Variants in KIAA0825 observed in about 807,000 individuals in gnomAD.
KIAA0825 encodes the protein KIAA0825.
KIAA0825 carries 119 observed loss-of-function variants against 147.6 expected under a neutral mutation model. The ratio of observed to expected loss-of-function variants is 0.81; its 90% CI spans 0.69 to 0.94. The LOEUF (loss-of-function observed/expected upper bound fraction) is 0.94, where lower values mean the gene tolerates loss of function less well. KIAA0825 is among the 40% of genes least tolerant of loss of function. The probability of loss-of-function intolerance (pLI) is 0.00; values close to 1 mark genes in which losing one functional copy is unlikely to be tolerated. For missense variants in KIAA0825, 1,381 were observed against 1,472.7 expected (o/e 0.94, Z 1.02); for synonymous variants, 470 against 518.1 (o/e 0.91, Z 1.26).
intron 20 of KIAA0825, among the ~76,000 whole-genome samples, chr5:94,229,074 C>T (rs977903478): frequency 9.2e-5 from 14 of 152,192 alleles, no homozygotes; most frequent in African/African-American, 3.4e-4. Flanking sequence ...AGACCTACAG[C>T]ACAGTCATCA....
intron 2 of KIAA0825, among the ~76,000 whole-genome samples, chr5:94,540,126 T>G (rs1772994840): frequency 6.6e-6 from 1 of 152,182 alleles, no homozygotes; most frequent in South Asian, 2.1e-4. Context: ...AATGCTTTCC[T>G]TTTTCTCTCT....
At chr5:94,418,237 T>C (rs1204245645) in intron 14 of KIAA0825, among the ~76,000 whole-genome samples, 1 of 152,162 alleles carries the variant, frequency 6.6e-6, no homozygotes, top group African/African-American at 2.4e-5. Flanking sequence ...TGGAATATCA[T>C]TACTTTTATG....
intron 16 of KIAA0825, among the ~76,000 whole-genome samples, chr5:94,400,126 A>C (rs904533669): frequency 1.3e-5 from 2 of 152,138 alleles, no homozygotes; most frequent in African/African-American, 4.8e-5. Context: ...TTTATTTTTC[A>C]GTGTTAACTA....
intron 20 of KIAA0825, among the ~76,000 whole-genome samples, chr5:94,261,834 A>C (rs1249824013): frequency 1.3e-5 from 2 of 152,032 alleles, no homozygotes; most frequent in South Asian, 4.1e-4. Context: ...GTCCTAATTC[A>C]AGCCACCATC....
chr5:94,370,166 T>TA (rs548776376), intron 20 of KIAA0825, among the ~76,000 whole-genome samples: 86 of 143,926 alleles, frequency 6.0e-4, no homozygotes, highest in Middle Eastern at 7.1e-3. Flanking sequence ...ACAAAAAAAA[T>TA]AAAAAAAAAA....
At chr5:94,560,676 CT>C (rs1777383596) in intron 2 of KIAA0825, among the ~76,000 whole-genome samples, 1 of 152,110 alleles carries the variant, frequency 6.6e-6, no homozygotes, top group African/African-American at 2.4e-5. Context: ...TTCTTGGATA[CT>C]TTTTCTCCGT....
chr5:94,309,161 T>C (rs1362401437), intron 20 of KIAA0825, among the ~76,000 whole-genome samples: 1 of 151,468 alleles, frequency 6.6e-6, no homozygotes, highest in East Asian at 1.9e-4. Flanking sequence ...TGGTGCTAAG[T>C]ATGTTTGTTG....
chr5:94,323,489 C>T (rs1011658054), intron 20 of KIAA0825, among the ~76,000 whole-genome samples: 1 of 150,370 alleles, frequency 6.7e-6, no homozygotes, highest in East Asian at 2.0e-4. Flanking sequence ...AAGAGAGCAA[C>T]GGACATTTGG....
intron 20 of KIAA0825, among the ~76,000 whole-genome samples, chr5:94,335,631 C>T (rs1402288862): frequency 6.6e-6 from 1 of 152,034 alleles, no homozygotes; most frequent in Non-Finnish European, 1.5e-5. Flanking sequence ...CATATTTCCT[C>T]TCTTACCACA....
intron 20 of KIAA0825, among the ~76,000 whole-genome samples, chr5:94,246,221 A>G (rs939329284): frequency 4.6e-5 from 7 of 152,098 alleles, no homozygotes; most frequent in Admixed American, 4.6e-4. Context: ...GCAAAGCAAA[A>G]TATTTTCCAA....
chr5:94,282,376 A>G (rs945489748), intron 20 of KIAA0825, among the ~76,000 whole-genome samples: 17 of 152,138 alleles, frequency 1.1e-4, no homozygotes, highest in African/African-American at 4.1e-4. Context: ...TTTAAAAAGA[A>G]AGAACTGTCC....
intron 20 of KIAA0825, among the ~76,000 whole-genome samples, chr5:94,219,270 C>T (rs912351487): frequency 3.3e-5 from 5 of 151,786 alleles, no homozygotes; most frequent in African/African-American, 4.9e-5. Flanking sequence ...CTAGATCCCT[C>T]GCATGCACAG....
intron 20 of KIAA0825, among the ~76,000 whole-genome samples, chr5:94,328,435 C>T (rs1780922809): frequency 6.6e-6 from 1 of 151,742 alleles, no homozygotes; most frequent in East Asian, 1.9e-4. Context: ...TCACCTTTAA[C>T]AATACAGGAT....
rs148359969 is a variant in KIAA0825, at chr5:94,520,701, C to T, written c.517G>A (p.Val173Met). ...DIRLHLRRFL[V>M]SKLQSHNEIN... Reference sequence around the variant, plus strand: ...TCATTATGGCTTTGTAATTTGCTCACTAAGAAGCGTCGAAGATGCAGTCTT... The same window carrying T: ...TCATTATGGCTTTGTAATTTGCTCATTAAGAAGCGTCGAAGATGCAGTCTT... The change falls in exon 5 of 21, where the codon GTG becomes ATG. Residue 173 changes from valine to methionine, a missense_variant. Coordinates refer to ENST00000682413, the MANE Select transcript of KIAA0825 (RefSeq NM_001145678.3). The T allele has an allele frequency of 2.5e-6, 4 of 1,613,216 alleles. No individual in the cohort carries two copies. The African/African-American group carries it at 5.3e-5, about 22-fold the overall frequency.
intron 6 of KIAA0825, among the ~76,000 whole-genome samples, chr5:94,484,059 C>A (rs1762775367): frequency 6.6e-6 from 1 of 151,546 alleles, no homozygotes; most frequent in East Asian, 1.9e-4. Context: ...AGAGAACATA[C>A]CTCAACCATT....
chr5:94,218,939 G>A (rs13174700), intron 20 of KIAA0825, among the ~76,000 whole-genome samples: 15,665 of 152,050 alleles, frequency 0.1, 913 homozygotes, highest in Middle Eastern at 0.14. Context: ...TCTTATTTAT[G>A]TGCTTATCTC....
rs147859700 is a variant in KIAA0825, at chr5:94,377,602, T to C, written c.3710+6766A>G. ...AGTAAGAAACTGTGAAAAGTACCTT[T>C]ATTATTTCAAAAGATCAATGTACAA... On this transcript the variant is annotated intron_variant, in intron 20 of 20. Transcript: ENST00000682413. Among the ~76,000 whole-genome samples the C allele has an allele frequency of 1.8e-4, 28 of 152,332 alleles. No individual in the cohort carries two copies. In the South Asian group the frequency reaches 2.9e-3, roughly 16 times the overall value.
chr5:94,410,732 A>T (rs1752649019), intron 15 of KIAA0825, among the ~76,000 whole-genome samples: 1 of 152,218 alleles, frequency 6.6e-6, no homozygotes, highest in Non-Finnish European at 1.5e-5. Flanking sequence ...GAACAAAAAA[A>T]TTCTGAACCT....
chr5:94,238,807 T>TA (rs1775199192), intron 20 of KIAA0825, among the ~76,000 whole-genome samples: 1 of 152,148 alleles, frequency 6.6e-6, no homozygotes. Flanking sequence ...GCAGAGAAAT[T>TA]ACATAGCTTA....
Sources: allele counts gnomAD v4.1 joint callset (sites outside exome capture counted in the v4.1 genomes callset), GRCh38; gene constraint gnomAD v4.1.1; transcripts MANE v1.5; gene names NCBI Gene and HGNC (gene_info 2026-07-23, HGNC 2026-07-21).